The following CFDP1 variants were observed in gnomAD, a reference collection of about 807,000 sequenced individuals.
The protein encoded by CFDP1 is heterochromatin-stabilizing protein CFDP1.
Under a neutral mutation model 40.1 loss-of-function variants are expected in CFDP1, and 31 were observed. The observed-to-expected ratio is 0.77, with a 90% confidence interval of 0.58 to 1.04. The LOEUF (loss-of-function observed/expected upper bound fraction) is 1.04. CFDP1 is among the 50% of genes least tolerant of loss of function. The probability of loss-of-function intolerance (pLI) is 0.00; values close to 1 mark genes in which losing one functional copy is unlikely to be tolerated. For synonymous variants in CFDP1, 167 were observed against 120.0 expected, an observed-to-expected ratio of 1.39 and a Z score of -2.56; for missense variants, 423 against 343.4, an observed-to-expected ratio of 1.23 and a Z score of -1.83.
chr16:75,317,344 C>A (rs535014725), intron 5 of CFDP1, among the ~76,000 whole-genome samples: 2 of 152,328 alleles, frequency 1.3e-5, no homozygotes, highest in South Asian at 4.1e-4. Context: ...CAGCCCTTCC[C>A]GCCTCTGCTC....
intron 5 of CFDP1, among the ~76,000 whole-genome samples, chr16:75,387,140 CTTTTTTTT>C (rs11303354): frequency 2.3e-5 from 3 of 128,488 alleles, no homozygotes; most frequent in Non-Finnish European, 3.3e-5. Context: ...TCTTTTCTTT[CTTTTTTTT>C]TTTTTTTTTG....
chr16:75,385,217 A>T (rs1326840469), intron 5 of CFDP1, among the ~76,000 whole-genome samples: 1 of 152,104 alleles, frequency 6.6e-6, no homozygotes, highest in Non-Finnish European at 1.5e-5. Flanking sequence ...TGACGTAAGT[A>T]TGAATGGAGA....
intron 5 of CFDP1, among the ~76,000 whole-genome samples, chr16:75,355,663 TAACTG>T (rs1356703858): frequency 6.6e-6 from 1 of 152,112 alleles, no homozygotes; most frequent in Non-Finnish European, 1.5e-5. Context: ...AAGGTGGAGG[TAACTG>T]AATCATGGGG....
intron 5 of CFDP1, among the ~76,000 whole-genome samples, chr16:75,335,846 GCGCCTGA>G (rs1201557829): frequency 2.0e-5 from 3 of 152,036 alleles, no homozygotes; most frequent in Non-Finnish European, 2.9e-5. Context: ...GTGAGCCACC[GCGCCTGA>G]CCAAATCTCC....
intron 5 of CFDP1, among the ~76,000 whole-genome samples, chr16:75,338,674 C>A (rs541970207): frequency 3.9e-5 from 6 of 152,056 alleles, no homozygotes; most frequent in Non-Finnish European, 7.4e-5. Context: ...TTTGATCCCC[C>A]CCTTTCATTT....
At chr16:75,411,357 G>A (rs1031571887) in intron 4 of CFDP1, among the ~76,000 whole-genome samples, 6 of 152,148 alleles carry the variant, frequency 3.9e-5, no homozygotes, top group Admixed American at 1.3e-4. Context: ...GTTGCAGGGA[G>A]CCGAGATCAC....
intron 5 of CFDP1, among the ~76,000 whole-genome samples, chr16:75,365,655 G>C (rs868164557): frequency 6.6e-6 from 1 of 152,146 alleles, no homozygotes; most frequent in Admixed American, 6.5e-5. Context: ...AGGATCACTT[G>C]AGGCCGCTGT....
chr16:75,347,539 T>A (rs547074570), intron 5 of CFDP1, among the ~76,000 whole-genome samples: 1 of 150,434 alleles, frequency 6.6e-6, no homozygotes, highest in African/African-American at 2.4e-5. Context: ...ATTAGCTGAG[T>A]GCAGTGTCAG....
chr16:75,338,231 T>C (rs1206945459), intron 5 of CFDP1, among the ~76,000 whole-genome samples: 1 of 152,084 alleles, frequency 6.6e-6, no homozygotes, highest in Admixed American at 6.6e-5. Context: ...TTGGGGAATG[T>C]GAAGCATGGG....
intron 5 of CFDP1, among the ~76,000 whole-genome samples, chr16:75,350,318 C>T (rs1457313601): frequency 1.5e-4 from 23 of 152,136 alleles, no homozygotes. Flanking sequence ...AAACTCTTTT[C>T]CTATGTGGCT....
chr16:75,333,377 C>T (rs1185258926), intron 5 of CFDP1, among the ~76,000 whole-genome samples: 5 of 152,172 alleles, frequency 3.3e-5, no homozygotes, highest in Non-Finnish European at 7.3e-5. Flanking sequence ...CCCGCCTCGG[C>T]CTCCCAAAGT....
chr16:75,430,804 G>A (rs1358901495), intron 1 of CFDP1, among the ~76,000 whole-genome samples: 2 of 152,130 alleles, frequency 1.3e-5, no homozygotes, highest in African/African-American at 4.8e-5. Context: ...TTAGCAGACA[G>A]GCTTCAGAGA....
intron 6 of CFDP1, among the ~76,000 whole-genome samples, chr16:75,300,065 A>G (rs2078211651): frequency 6.6e-6 from 1 of 152,112 alleles, no homozygotes; most frequent in Non-Finnish European, 1.5e-5. Context: ...CGCAGGGAAG[A>G]GATGAAAAAT....
At chr16:75,411,748 T>A (rs1338810694) in intron 4 of CFDP1, 77 bp downstream of exon 4, 8 of 1,355,266 alleles carry the variant, frequency 5.9e-6, no homozygotes, top group Middle Eastern at 3.6e-4. Context: ...GAAAAGAGGA[T>A]AGATGGCTAA....
intron 5 of CFDP1, among the ~76,000 whole-genome samples, chr16:75,306,917 T>A (rs1385835463): frequency 6.7e-6 from 1 of 148,276 alleles, no homozygotes; most frequent in African/African-American, 2.6e-5. Context: ...ACACACACAC[T>A]TTCTTTTTCA....
intron 5 of CFDP1, among the ~76,000 whole-genome samples, chr16:75,309,606 G>C (rs2078280270): frequency 1.3e-5 from 2 of 152,058 alleles, no homozygotes; most frequent in African/African-American, 4.8e-5. Context: ...GGATCACAAG[G>C]TCAGGAGATC....
intron 5 of CFDP1, among the ~76,000 whole-genome samples, chr16:75,353,552 G>A (rs572507133): frequency 1.3e-5 from 2 of 151,960 alleles, no homozygotes; most frequent in East Asian, 3.9e-4. Flanking sequence ...ACAAGGTCAG[G>A]AGATCGAGAC....
intron 1 of CFDP1, chr16:75,419,186 G>A (rs2079247748): frequency 4.8e-6 from 1 of 206,550 alleles, no homozygotes; most frequent in African/African-American, 2.3e-5. Context: ...GGCCAAAGCA[G>A]TGAAGACCTG....
At chr16:75,357,889 T>G (rs1268230615) in intron 5 of CFDP1, among the ~76,000 whole-genome samples, 2 of 152,232 alleles carry the variant, frequency 1.3e-5, no homozygotes, top group African/African-American at 4.8e-5. Flanking sequence ...TGTCTTGGCT[T>G]TCAACATCTT....
Sources: gnomAD v4.1 joint callset for allele counts (sites outside exome capture counted in the v4.1 genomes callset) on GRCh38, gnomAD v4.1.1 for gene constraint, MANE v1.5 for transcripts, NCBI Gene and HGNC (gene_info 2026-07-23, HGNC 2026-07-21) for gene names.